SLC27A6: variants seen among roughly 807,000 people sequenced by gnomAD.
SLC27A6 encodes long-chain fatty acid transport protein 6.
In SLC27A6, 74 loss-of-function variants were observed where a neutral mutation model predicts 63.9. The ratio of observed to expected loss-of-function variants is 1.16; its 90% CI spans 0.96 to 1.40. The LOEUF (loss-of-function observed/expected upper bound fraction) is 1.40. Among genes scored for constraint, SLC27A6 ranks in the 40% most tolerant of loss-of-function variants. The probability of loss-of-function intolerance (pLI) is 0.00; values close to 1 mark genes in which losing one functional copy is unlikely to be tolerated. For synonymous variants in SLC27A6, 287 were observed against 260.8 expected, an observed-to-expected ratio of 1.10 and a Z score of -0.97; for missense variants, 794 against 732.9, an observed-to-expected ratio of 1.08 and a Z score of -0.96.
intron 1 of SLC27A6, among the ~76,000 whole-genome samples, chr5:128,976,052 A>C (rs13359335): frequency 0.25 from 38,051 of 151,894 alleles, 5,323 homozygotes; most frequent in Non-Finnish European, 0.31. Flanking sequence ...GAAAAAAAAA[A>C]CAAAAAGCCA....
rs1046356945 is a variant in SLC27A6, at chr5:129,017,705, G to A, written c.1164+1626G>A. Among the ~76,000 whole-genome samples the A allele has an allele frequency of 5.9e-5, 9 of 152,228 alleles. No homozygotes were observed. In the South Asian group the frequency reaches 1.9e-3, roughly 32 times the overall value. On this transcript the variant is annotated intron_variant, in intron 5 of 9. Coordinates refer to ENST00000262462, the MANE Select transcript of SLC27A6 (RefSeq NM_001017372.3). ...TACTTTAGACATTAAGACAGTAAAA[G>A]AGGATATGTTGAATAAGTTCATATC...
At chr5:129,021,832 G>T (rs746831045) in intron 5 of SLC27A6, among the ~76,000 whole-genome samples, 5 of 152,116 alleles carry the variant, frequency 3.3e-5, no homozygotes, top group Non-Finnish European at 7.3e-5. Context: ...TTCAATTTCT[G>T]ACTATCAAGT....
chr5:128,969,263 G>A lies in SLC27A6; in HGVS notation c.481+2645G>A, dbSNP rs189144561. Among the ~76,000 whole-genome samples the A allele has an allele frequency of 2.2e-3, 332 of 152,044 alleles. 3 individuals carry two copies. The highest frequency in any genetic ancestry group is 7.3e-3 in the African/African-American group (301 of 41,494). On this transcript the variant is annotated intron_variant, in intron 1 of 9. Coordinates refer to ENST00000262462, the MANE Select transcript of SLC27A6 (RefSeq NM_001017372.3). ...GCAATGCAGGCTCTTTTTTGGTTCC[G>A]TATGAACTTTAAAGTAGTTTTTTCC...
intron 1 of SLC27A6, among the ~76,000 whole-genome samples, chr5:128,971,082 T>G (rs1452136662): frequency 1.3e-5 from 2 of 152,236 alleles, no homozygotes; most frequent in African/African-American, 4.8e-5. Flanking sequence ...GTGAGTTTCT[T>G]AACCCTGACT....
Position 129,033,134 on chromosome 5 carries a change from A to G in SLC27A6, c.1712A>G (p.Lys571Arg). 6.2e-7 allele frequency: 1 copy of G among 1,607,848 alleles called. No homozygotes were observed. The highest frequency in any genetic ancestry group is 8.5e-7 in the Non-Finnish European group (1 of 1,176,808). ...QEKMEATGTF[K>R]LLKHQLVEDG... is the part of the protein sequence containing the mutation. The stretch of plus-strand genomic sequence containing the variant: ...AAAATGGAAGCAACAGGAACATTCA[A>G]ACTATTGAAGCATCAGTTGGTGGAA... Residue 571 changes from lysine (K) to arginine (R), a missense_variant, in exon 10 of 10, where the codon AAA (lysine) becomes AGA (arginine). Coordinates refer to ENST00000262462, the MANE Select transcript of SLC27A6 (RefSeq NM_001017372.3).
chr5:129,006,360 G>A (rs1751536548), intron 4 of SLC27A6, among the ~76,000 whole-genome samples: 2 of 151,992 alleles, frequency 1.3e-5, no homozygotes, highest in Middle Eastern at 3.4e-3. Context: ...AAAGTGCTGG[G>A]ATTACAGGCA....
chr5:128,984,494 T>C (rs1339351197), intron 1 of SLC27A6, among the ~76,000 whole-genome samples: 1 of 152,224 alleles, frequency 6.6e-6, no homozygotes, highest in Non-Finnish European at 1.5e-5. Context: ...AGATCCTTCC[T>C]AAGAAACTTG....
intron 6 of SLC27A6, 112 bp from the exon 7 acceptor site, chr5:129,027,021 G>C: frequency 1.2e-6 from 1 of 824,714 alleles, no homozygotes; most frequent in Non-Finnish European, 2.0e-6. Context: ...TTCAGAGGAA[G>C]CTGAGATAAG....
intron 4 of SLC27A6, among the ~76,000 whole-genome samples, chr5:129,003,569 G>A (rs1396291992): frequency 6.6e-6 from 1 of 152,196 alleles, no homozygotes; most frequent in Admixed American, 6.5e-5. Context: ...CAGTGCAGTA[G>A]CTCATGCCGA....
rs1053421310 is a variant in SLC27A6 at position 128,985,330 on chromosome 5, A to G, written c.679A>G (p.Thr227Ala). 4 of 1,613,344 alleles carry G rather than the reference A, an allele frequency of 2.5e-6. No homozygotes were observed. Among genetic ancestry groups the G allele is most frequent in the African/African-American group, 2.7e-5 (2 of 75,026 alleles). The change falls in exon 2 of 10, where the codon ACA becomes GCA. Residue 227 changes from threonine to alanine, a missense_variant. By Grantham distance (58) the Thr-to-Ala change is moderately conservative. Transcript: ENST00000262462. The stretch of plus-strand genomic sequence containing the variant: ...TTGTCTTTACATTTTTACCTCTGGA[A>G]CAACAGGTATGATCCAATTCTTTTG... Reference protein sequence around the residue: ...STCLYIFTSGTTGLPKAAVIS... With the variant: ...STCLYIFTSGATGLPKAAVIS...
At chr5:129,016,627 T>A (rs570316205) in intron 5 of SLC27A6, among the ~76,000 whole-genome samples, 15 of 152,120 alleles carry the variant, frequency 9.9e-5, no homozygotes, top group African/African-American at 3.4e-4. Context: ...TTTCTTGTTC[T>A]GTTTCCAAAT....
chr5:129,013,995 A>T (rs1231722477), intron 4 of SLC27A6, among the ~76,000 whole-genome samples: 2 of 152,166 alleles, frequency 1.3e-5, no homozygotes, highest in Non-Finnish European at 2.9e-5. Flanking sequence ...TTTTATTGAG[A>T]TACTTCCAGA....
Position 128,982,440 on chromosome 5 carries a change from C to T in SLC27A6, c.482-2693C>T, listed in dbSNP as rs569505719. Among the ~76,000 whole-genome samples the T allele has an allele frequency of 2.0e-5, 3 of 152,270 alleles. No homozygotes were observed. In the East Asian group the frequency reaches 5.8e-4, roughly 29 times the overall value. ...GTTTCTTTGGGCTCTAGAATTCCAA[C>T]AAAGATTTGGAGCCACACTTATTCA... On this transcript the variant is annotated intron_variant, in intron 1 of 9. Coordinates refer to ENST00000262462, the MANE Select transcript of SLC27A6 (RefSeq NM_001017372.3).
At chr5:128,970,866 A>G (rs981316680) in intron 1 of SLC27A6, among the ~76,000 whole-genome samples, 7 of 151,452 alleles carry the variant, frequency 4.6e-5, no homozygotes, top group Middle Eastern at 3.4e-3. Flanking sequence ...TCAATTTTAG[A>G]TCTTTCCTGC....
At chr5:128,996,583 T>G (rs12173022) in intron 4 of SLC27A6, among the ~76,000 whole-genome samples, 31,088 of 151,612 alleles carry the variant, frequency 0.21, 4,391 homozygotes, top group East Asian at 0.73. Flanking sequence ...AGTTTACAGG[T>G]TTTTTTTTAT....
chr5:128,990,715 G>A (rs759918443), intron 4 of SLC27A6, among the ~76,000 whole-genome samples: 8 of 152,158 alleles, frequency 5.3e-5, no homozygotes, highest in Admixed American at 2.0e-4. Context: ...TGGGCCATGC[G>A]GTGAGTGTTA....
intron 1 of SLC27A6, among the ~76,000 whole-genome samples, chr5:128,977,828 A>G (rs999793130): frequency 6.6e-6 from 1 of 152,240 alleles, no homozygotes; most frequent in Non-Finnish European, 1.5e-5. Context: ...ATGACTAAAC[A>G]TGCCAAAGGA....
At position 128,971,008 on chromosome 5, in the gene SLC27A6, G is replaced by T. The variant is rs74957820; in HGVS notation, c.481+4390G>T. Among the ~76,000 whole-genome samples, 4 of 152,112 alleles carry T rather than the reference G, an allele frequency of 2.6e-5. No individual in the cohort carries two copies. In the South Asian group the frequency reaches 8.3e-4, roughly 32 times the overall value. ...ACAGCTTTATTTCTGCCTTCATTTC[G>T]TTATTTACCCAGTAGTCATTCAGGA... is the stretch of plus-strand genomic sequence containing the variant. On this transcript the variant is annotated intron_variant, in intron 1 of 9. Coordinates refer to ENST00000262462, the MANE Select transcript of SLC27A6 (RefSeq NM_001017372.3).
At chr5:129,006,909 A>C (rs1375968013) in intron 4 of SLC27A6, among the ~76,000 whole-genome samples, 2 of 147,504 alleles carry the variant, frequency 1.4e-5, no homozygotes, top group Non-Finnish European at 3.0e-5. Flanking sequence ...AATCTTATCT[A>C]AAGTGCAGTT....
Sources: gnomAD v4.1 joint callset for allele counts (sites outside exome capture counted in the v4.1 genomes callset) on GRCh38, gnomAD v4.1.1 for gene constraint, MANE v1.5 for transcripts, NCBI Gene and HGNC (gene_info 2026-07-23, HGNC 2026-07-21) for gene names.